The following KCNH7 variants were observed in gnomAD, a reference collection of about 807,000 sequenced individuals.
The protein encoded by KCNH7 is potassium voltage-gated channel subfamily H member 7, also known as voltage-gated inwardly rectifying potassium channel KCNH7.
In KCNH7, 49 loss-of-function variants were observed where a neutral mutation model predicts 120.8. That is an observed-to-expected ratio of 0.41 (90% CI 0.32 to 0.51). KCNH7 has a LOEUF of 0.51. Among genes scored for constraint, KCNH7 ranks in the 20% least tolerant of loss-of-function variants. The pLI, the probability that KCNH7 is intolerant of heterozygous loss-of-function variation, is 0.38. For missense variants in KCNH7, 1,097 were observed against 1,446.6 expected (o/e 0.76, Z 3.92); for synonymous variants, 547 against 516.1 (o/e 1.06, Z -0.81).
chr2:162,797,720 G>C (rs568381080), intron 2 of KCNH7: 7 of 152,166 alleles, frequency 4.6e-5, no homozygotes, highest in African/African-American at 1.4e-4. Flanking sequence ...GCACTAACCT[G>C]CATGGTGCCC....
intron 7 of KCNH7, among the ~76,000 whole-genome samples, chr2:162,441,999 CTTTTTT>C (rs779418084): frequency 3.4e-3 from 141 of 41,522 alleles, no homozygotes; most frequent in Non-Finnish European, 5.7e-3. Flanking sequence ...GTTAGGTCTT[CTTTTTT>C]TTTTTTTTTT....
intron 2 of KCNH7, among the ~76,000 whole-genome samples, chr2:162,697,086 G>A (rs1195078255): frequency 6.6e-6 from 1 of 152,104 alleles, no homozygotes; most frequent in African/African-American, 2.4e-5. Flanking sequence ...CTAGAAGTTT[G>A]TAACCACCAA....
At chr2:162,646,212 G>A (rs1214803934) in intron 2 of KCNH7, among the ~76,000 whole-genome samples, 2 of 152,168 alleles carry the variant, frequency 1.3e-5, no homozygotes, top group East Asian at 3.9e-4. Context: ...GAATGCCCAC[G>A]TAGGACAGAG....
chr2:162,566,396 C>T (rs1559018472), intron 2 of KCNH7, among the ~76,000 whole-genome samples: 1 of 151,990 alleles, frequency 6.6e-6, no homozygotes, highest in Non-Finnish European at 1.5e-5. Flanking sequence ...ATGTACAGCT[C>T]ATTTATTTAT....
chr2:162,740,869 A>G (rs1688101609), intron 2 of KCNH7, among the ~76,000 whole-genome samples: 1 of 151,996 alleles, frequency 6.6e-6, no homozygotes, highest in African/African-American at 2.4e-5. Context: ...AATGCTATGG[A>G]TCTTATGGTC....
chr2:162,628,311 C>T (rs983596881), intron 2 of KCNH7, among the ~76,000 whole-genome samples: 1 of 152,104 alleles, frequency 6.6e-6, no homozygotes, highest in Non-Finnish European at 1.5e-5. Flanking sequence ...TTAGTATTAA[C>T]CAGACACAAG....
At chr2:162,542,617 A>G (rs1018241923) in intron 2 of KCNH7, among the ~76,000 whole-genome samples, 3 of 151,960 alleles carry the variant, frequency 2.0e-5, no homozygotes, top group Non-Finnish European at 4.4e-5. Flanking sequence ...TCCATGGTGT[A>G]TATGTGCCAC....
chr2:162,662,781 G>A (rs1353836139), intron 2 of KCNH7, among the ~76,000 whole-genome samples: 1 of 152,122 alleles, frequency 6.6e-6, no homozygotes, highest in African/African-American at 2.4e-5. Flanking sequence ...TTAGAATAAG[G>A]AATAAGAATG....
rs183153630 is a variant in KCNH7, at chr2:162,468,636, T to C, written c.1129-22193A>G. 7.4e-3 allele frequency among the ~76,000 whole-genome samples: 1,078 copies of C among 146,340 alleles called. 3 individuals are homozygous for C. The highest frequency in any genetic ancestry group is 0.011 in the Non-Finnish European group (768 of 66,798). The stretch of plus-strand genomic sequence containing the variant: ...CCCAGGCTCAAGCGATTCTCCTGCC[T>C]CAGCCTTCCAAATAGCTGGGACTAC... On this transcript the variant is annotated intron_variant, in intron 6 of 15. Coordinates refer to ENST00000332142, the MANE Select transcript of KCNH7 (RefSeq NM_033272.4).
At chr2:162,702,783 T>G (rs1432229217) in intron 2 of KCNH7, among the ~76,000 whole-genome samples, 7 of 152,202 alleles carry the variant, frequency 4.6e-5, no homozygotes, top group Non-Finnish European at 1.0e-4. Flanking sequence ...CAAGTGAGTT[T>G]CTATTTGTCC....
rs777345773 is a variant in KCNH7 at position 162,518,154 on chromosome 2, T to A, written c.468A>T (p.Lys156Asn). 1.7e-5 allele frequency: 27 copies of A among 1,606,670 alleles called. No homozygotes were observed. Among genetic ancestry groups the A allele is most frequent in the Non-Finnish European group, 2.2e-5 (26 of 1,175,656 alleles). ...GACCAGGGAATTTGAACCCAAAAAA[T>A]TTCCCTATAAATGGAGACAGGAGAG... Reference protein sequence around the residue: ...PILPIKTVNRKFFGFKFPGLR... With the variant: ...PILPIKTVNRNFFGFKFPGLR... The change falls in exon 4 of 16, where the codon AAA (lysine) becomes AAT (asparagine). Residue 156 changes from lysine (K) to asparagine (N), a missense_variant. This residue lies in a region of KCNH7 where 362 missense variants were observed against 372.2 expected (regional missense o/e 0.97). Transcript: ENST00000332142.
At chr2:162,591,847 G>A (rs898712292) in intron 2 of KCNH7, among the ~76,000 whole-genome samples, 5 of 151,710 alleles carry the variant, frequency 3.3e-5, no homozygotes, top group Admixed American at 6.6e-5. Context: ...TCAATACACC[G>A]GTTCTTCCTG....
intron 3 of KCNH7, among the ~76,000 whole-genome samples, chr2:162,518,706 C>T (rs550347922): frequency 2.6e-5 from 4 of 151,352 alleles, no homozygotes. Context: ...AAAGTGGGGT[C>T]AACTGTGTAT....
intron 2 of KCNH7, among the ~76,000 whole-genome samples, chr2:162,553,582 G>A (rs958975610): frequency 6.6e-6 from 1 of 152,084 alleles, no homozygotes; most frequent in African/African-American, 2.4e-5. Context: ...CCGGGAGGTG[G>A]AGCTTGCAGC....
chr2:162,750,399 TAA>T (rs1688498844), intron 2 of KCNH7, among the ~76,000 whole-genome samples: 1 of 147,378 alleles, frequency 6.8e-6, no homozygotes, highest in Non-Finnish European at 1.5e-5. Context: ...GTAAAAGAAA[TAA>T]AAGACTTAGC....
intron 2 of KCNH7, among the ~76,000 whole-genome samples, chr2:162,793,461 A>G (rs1684029915): frequency 6.6e-6 from 1 of 152,108 alleles, no homozygotes; most frequent in South Asian, 2.1e-4. Context: ...AAAGTTAAAA[A>G]AAAAGATTAA....
At chr2:162,448,197 T>C (rs920808219) in intron 6 of KCNH7, among the ~76,000 whole-genome samples, 4 of 152,240 alleles carry the variant, frequency 2.6e-5, no homozygotes, top group African/African-American at 4.8e-5. Flanking sequence ...AAATTATCTG[T>C]CATTTTAGAA....
At chr2:162,733,210 A>G (rs1468267132) in intron 2 of KCNH7, among the ~76,000 whole-genome samples, 2 of 152,230 alleles carry the variant, frequency 1.3e-5, no homozygotes, top group African/African-American at 2.4e-5. Context: ...GTGAAAGCAA[A>G]TAAACTAGAG....
At chr2:162,424,250 G>T (rs918320707) in intron 8 of KCNH7, among the ~76,000 whole-genome samples, 9 of 151,946 alleles carry the variant, frequency 5.9e-5, no homozygotes, top group African/African-American at 1.7e-4. Flanking sequence ...TTCATCTATG[G>T]GAAGAAACCG....
Sources: gnomAD v4.1 joint callset for allele counts (sites outside exome capture counted in the v4.1 genomes callset) on GRCh38, gnomAD v4.1.1 for gene constraint, gnomAD v4.1.1 regional missense constraint, MANE v1.5 for transcripts, NCBI Gene and HGNC (gene_info 2026-07-23, HGNC 2026-07-21) for gene names.